ROBO2: variants seen among roughly 807,000 people sequenced by gnomAD.
ROBO2 encodes roundabout guidance receptor 2, also known as roundabout homolog 2.
ROBO2 carries 53 observed loss-of-function variants against 160.8 expected under a neutral mutation model. That is an observed-to-expected ratio of 0.33 (90% CI 0.26 to 0.41). The LOEUF is 0.41. Ranked by LOEUF, ROBO2 falls within the 10% of genes least tolerant of loss-of-function variation. The pLI, the probability that ROBO2 is intolerant of heterozygous loss-of-function variation, is 1.00. For missense variants in ROBO2, 1,577 were observed against 1,722.4 expected (o/e 0.92, Z 1.49); for synonymous variants, 664 against 611.7 (o/e 1.09, Z -1.26).
chr3:76,441,969 G>A (rs1434388515), intron 2 of ROBO2, among the ~76,000 whole-genome samples: 1 of 152,172 alleles, frequency 6.6e-6, no homozygotes, highest in Non-Finnish European at 1.5e-5. Context: ...GAGAGAGAGA[G>A]AAAGAATCTG....
chr3:76,589,401 C>A (rs1439564506), intron 2 of ROBO2, among the ~76,000 whole-genome samples: 1 of 152,078 alleles, frequency 6.6e-6, no homozygotes, highest in Non-Finnish European at 1.5e-5. Flanking sequence ...CCGAGGTTCC[C>A]GCCATTCTCC....
chr3:77,489,239 G>T (rs1391535170), intron 4 of ROBO2, among the ~76,000 whole-genome samples: 1 of 152,084 alleles, frequency 6.6e-6, no homozygotes, highest in African/African-American at 2.4e-5. Flanking sequence ...TTTATTCTTT[G>T]CCTTTGTTTT....
intron 2 of ROBO2, among the ~76,000 whole-genome samples, chr3:77,367,201 A>G (rs1448219717): frequency 1.3e-5 from 2 of 152,130 alleles, no homozygotes; most frequent in African/African-American, 4.8e-5. Flanking sequence ...TCATATTTTT[A>G]TGTGAATATA....
rs555057261 is a variant in ROBO2, at chr3:77,245,498, C to T, written c.388+147158C>T. Among the ~76,000 whole-genome samples the T allele has an allele frequency of 2.6e-5, 4 of 152,316 alleles. No homozygotes were observed. In the East Asian group the frequency reaches 7.7e-4, roughly 29 times the overall value. ...ATTCTGGTACAGTGCCACATATCTC[C>T]AGAATTGGGTCTGGTTACGTGAGAA... On this transcript the variant is annotated intron_variant, in intron 2 of 25. Coordinates refer to ENST00000461745, the Ensembl canonical transcript of ROBO2.
chr3:77,570,895 T>C (rs944711161), intron 13 of ROBO2, among the ~76,000 whole-genome samples: 4 of 152,018 alleles, frequency 2.6e-5, no homozygotes, highest in Non-Finnish European at 5.9e-5. Context: ...ACATAACTAC[T>C]GTAGAGACCA....
chr3:77,205,785 T>A (rs1047170040), intron 2 of ROBO2, among the ~76,000 whole-genome samples: 1 of 152,170 alleles, frequency 6.6e-6, no homozygotes, highest in Non-Finnish European at 1.5e-5. Flanking sequence ...AGGAACTCAC[T>A]TTGAGTGAAG....
chr3:77,444,464 A>G (rs1412197767), intron 2 of ROBO2, among the ~76,000 whole-genome samples: 1 of 152,180 alleles, frequency 6.6e-6, no homozygotes, highest in Admixed American at 6.5e-5. Context: ...CAGCCTCAAT[A>G]ACTCTGTTCA....
intron 2 of ROBO2, among the ~76,000 whole-genome samples, chr3:76,989,512 A>G (rs1216523903): frequency 6.6e-6 from 1 of 152,058 alleles, no homozygotes; most frequent in East Asian, 1.9e-4. Context: ...AAACATTTAA[A>G]CTTAGAAGAC....
At chr3:77,237,393 T>TTTTTG (rs1206238103) in intron 2 of ROBO2, among the ~76,000 whole-genome samples, 2 of 143,638 alleles carry the variant, frequency 1.4e-5, no homozygotes, top group African/African-American at 5.3e-5. Flanking sequence ...CTTTTTCCTG[T>TTTTTG]TTTTGTTTTG....
In ROBO2 at chr3:76,625,822, C is replaced by T. The variant is rs529255493; in HGVS notation, c.110-472192C>T. Among the ~76,000 whole-genome samples, 6 of 152,214 alleles carry T rather than the reference C, an allele frequency of 3.9e-5. No homozygotes were observed. The East Asian group carries it at 1.2e-3, about 29-fold the overall frequency. ...GCCAATATACAACCTTTGGTTCTTA[C>T]TCAGGGAAATGGGAAACCACTGAGA... On this transcript the variant is annotated intron_variant, in intron 2 of 26. Coordinates refer to the ROBO2 transcript ENST00000487694.
chr3:76,936,716 T>A (rs541445593), intron 2 of ROBO2, among the ~76,000 whole-genome samples: 1 of 51,884 alleles, frequency 1.9e-5, no homozygotes, highest in African/African-American at 9.4e-5. Context: ...GAGAAACTGG[T>A]TCTAAGAATT....
chr3:76,583,152 G>A (rs2108749036), intron 2 of ROBO2, among the ~76,000 whole-genome samples: 1 of 152,280 alleles, frequency 6.6e-6, no homozygotes, highest in East Asian at 1.9e-4. Flanking sequence ...ACCTTATGCA[G>A]TGCTCCGTTG....
chr3:76,266,438 G>A (rs957964260), intron 2 of ROBO2, among the ~76,000 whole-genome samples: 18 of 152,246 alleles, frequency 1.2e-4, no homozygotes, highest in African/African-American at 4.1e-4. Flanking sequence ...ACAGGGCATA[G>A]TAAAGTATCT....
chr3:76,528,006 G>T (rs572170223), intron 2 of ROBO2, among the ~76,000 whole-genome samples: 35 of 152,168 alleles, frequency 2.3e-4, no homozygotes, highest in Admixed American at 2.2e-3. Flanking sequence ...TGAAATGGGG[G>T]TGTGGGGTGC....
chr3:77,529,637 A>G (rs944734510), intron 6 of ROBO2, among the ~76,000 whole-genome samples: 1 of 151,864 alleles, frequency 6.6e-6, no homozygotes, highest in African/African-American at 2.4e-5. Context: ...ATTGAGATGT[A>G]TCTGTCATCT....
At chr3:76,262,875 C>A (rs578250164) in intron 2 of ROBO2, among the ~76,000 whole-genome samples, 1 of 152,132 alleles carries the variant, frequency 6.6e-6, no homozygotes, top group Admixed American at 6.6e-5. Context: ...ATACTTCTAC[C>A]AAATTGGTTC....
intron 2 of ROBO2, among the ~76,000 whole-genome samples, chr3:76,236,357 G>T (rs2107494933): frequency 6.6e-6 from 1 of 152,190 alleles, no homozygotes; most frequent in Non-Finnish European, 1.5e-5. Flanking sequence ...GCTTTAAATA[G>T]TATAACATCC....
At chr3:76,495,262 A>T (rs1259960947) in intron 2 of ROBO2, among the ~76,000 whole-genome samples, 1 of 151,472 alleles carries the variant, frequency 6.6e-6, no homozygotes, top group Non-Finnish European at 1.5e-5. Flanking sequence ...ACACACAAAA[A>T]ATGTAATAGC....
chr3:76,478,861 G>T (rs2079071299), intron 2 of ROBO2, among the ~76,000 whole-genome samples: 1 of 151,798 alleles, frequency 6.6e-6, no homozygotes, highest in Admixed American at 6.6e-5. Context: ...TAGAGTTGGG[G>T]TCTCCCTATG....
Sources: gnomAD v4.1 joint callset for allele counts (sites outside exome capture counted in the v4.1 genomes callset) on GRCh38, gnomAD v4.1.1 for gene constraint, MANE v1.5 for transcripts, NCBI Gene and HGNC (gene_info 2026-07-23, HGNC 2026-07-21) for gene names.